Variants in CES5A observed in about 807,000 individuals in gnomAD.
The protein encoded by CES5A is carboxylesterase 5.
A neutral mutation model predicts 62.9 loss-of-function variants in CES5A; 67 were observed. That is an observed-to-expected ratio of 1.07 (90% CI 0.88 to 1.31). The LOEUF (loss-of-function observed/expected upper bound fraction) is 1.31. CES5A is among the 50% of genes most tolerant of loss of function. The pLI, the probability that CES5A is intolerant of heterozygous loss-of-function variation, is 0.00. For missense variants in CES5A, 748 were observed against 708.5 expected (o/e 1.06, Z -0.63); for synonymous variants, 296 against 280.8 (o/e 1.05, Z -0.54).
intron 1 of CES5A, among the ~76,000 whole-genome samples, chr16:55,912,430 A>G (rs973078879): frequency 1.3e-5 from 2 of 152,182 alleles, no homozygotes; most frequent in African/African-American, 4.8e-5. Context: ...CATTCGAGGA[A>G]AAAAACAAAG....
upstream of CES5A, among the ~76,000 whole-genome samples, chr16:55,927,459 T>C (rs2142465402): frequency 1.3e-5 from 2 of 152,282 alleles, no homozygotes; most frequent in Admixed American, 1.3e-4. Context: ...GCAAACTACA[T>C]GAATAGACAT....
chr16:55,865,712 G>A (rs2033443087), intron 5 of CES5A, among the ~76,000 whole-genome samples: 4 of 152,118 alleles, frequency 2.6e-5, no homozygotes, highest in African/African-American at 9.7e-5. Flanking sequence ...ACAAATATAA[G>A]GGATTTTTCC....
chr16:55,849,570 G>C, intron 11 of CES5A, 54 bp downstream of exon 11: 4 of 1,591,178 alleles, frequency 2.5e-6, no homozygotes. Flanking sequence ...CTTGCATCGT[G>C]GTGGGGTAAG....
At position 55,907,999 on chromosome 16, in the gene CES5A, T is replaced by A. The variant is rs1421591080; in HGVS notation, c.-256+17324A>T. Among the ~76,000 whole-genome samples, 4 of 152,138 alleles carry A rather than the reference T, an allele frequency of 2.6e-5. 1 individual carries two copies. The highest frequency in any genetic ancestry group is 5.9e-5 in the Non-Finnish European group (4 of 68,022). ...CCTCTCAAAACTGTTAGAAAATGGA[T>A]ATGGATATGCCACTGTCCCCAGAAG... On this transcript the variant is annotated intron_variant, in intron 1 of 12. Coordinates refer to the CES5A transcript ENST00000518005.
chr16:55,849,122 A>C (rs2033076674), intron 11 of CES5A, among the ~76,000 whole-genome samples: 1 of 152,160 alleles, frequency 6.6e-6, no homozygotes, highest in Non-Finnish European at 1.5e-5. Context: ...GGTTTATTTT[A>C]GGCACCAAAT....
At chr16:55,873,759 C>T (rs1403007403) in intron 2 of CES5A, 74 bp downstream of exon 2, 5 of 1,348,180 alleles carry the variant, frequency 3.7e-6, no homozygotes, top group Admixed American at 4.0e-5. Flanking sequence ...TCTTCTTTCA[C>T]ACTGGGCTGC....
intron 1 of CES5A, among the ~76,000 whole-genome samples, chr16:55,909,802 T>C (rs1488165887): frequency 2.0e-5 from 3 of 152,216 alleles, no homozygotes; most frequent in African/African-American, 7.2e-5. Flanking sequence ...CTGCTGGCCT[T>C]GGACAAGTTC....
At chr16:55,864,614 G>A (rs1442466491) in intron 5 of CES5A, among the ~76,000 whole-genome samples, 1 of 152,160 alleles carries the variant, frequency 6.6e-6, no homozygotes, top group African/African-American at 2.4e-5. Flanking sequence ...TTGCTGTCAG[G>A]CCAGGCATAG....
chr16:55,921,030 G>C (rs772048214), intron 1 of CES5A, among the ~76,000 whole-genome samples: 5 of 152,140 alleles, frequency 3.3e-5, no homozygotes, highest in Non-Finnish European at 7.3e-5. Flanking sequence ...GCAAAGGAAA[G>C]ATCAGTGAGC....
At chr16:55,871,831 C>T (rs1244606061) in intron 2 of CES5A, 68 bp from the exon 3 acceptor site, 1 of 1,556,328 alleles carries the variant, frequency 6.4e-7, no homozygotes, top group African/African-American at 1.3e-5. Flanking sequence ...AGGGCCAGTT[C>T]TTCTGACAGC....
At chr16:55,932,667 C>T (rs554111463) in intron 2 of CES5A, among the ~76,000 whole-genome samples, 14 of 152,068 alleles carry the variant, frequency 9.2e-5, no homozygotes, top group Admixed American at 7.2e-4. Context: ...AGCCATGAGA[C>T]CAACCAGGCA....
upstream of CES5A, among the ~76,000 whole-genome samples, chr16:55,926,319 T>C (rs555067364): frequency 8.2e-4 from 125 of 152,284 alleles, no homozygotes; most frequent in Admixed American, 1.8e-3. Flanking sequence ...AACCAATAAC[T>C]ATGAAGGGAC....
At chr16:55,866,618 C>A (rs578249036) in intron 4 of CES5A, among the ~76,000 whole-genome samples, 7 of 140,522 alleles carry the variant, frequency 5.0e-5, no homozygotes, top group South Asian at 2.2e-4. Flanking sequence ...GTCAGGAGAT[C>A]GAGACCATCC....
intron 8 of CES5A, 90 bp downstream of exon 8, chr16:55,859,457 C>T: frequency 7.6e-7 from 1 of 1,316,114 alleles, no homozygotes; most frequent in Non-Finnish European, 1.1e-6. Flanking sequence ...CTTACAATAC[C>T]TGATGTCTTC....
intron 2 of CES5A, among the ~76,000 whole-genome samples, chr16:55,939,517 C>A (rs886141077): frequency 1.3e-5 from 2 of 151,936 alleles, no homozygotes; most frequent in African/African-American, 2.4e-5. Flanking sequence ...TATTCTAGGA[C>A]CAGAAGATGA....
chr16:55,897,344 A>G (rs1396950746), intron 1 of CES5A, among the ~76,000 whole-genome samples: 1 of 152,132 alleles, frequency 6.6e-6, no homozygotes, highest in Non-Finnish European at 1.5e-5. Context: ...AAATGCCAAG[A>G]TGCTCCCAGG....
intron 2 of CES5A, among the ~76,000 whole-genome samples, chr16:55,930,462 G>A (rs2034298862): frequency 6.6e-6 from 1 of 152,172 alleles, no homozygotes; most frequent in African/African-American, 2.4e-5. Flanking sequence ...ACTACAAGGA[G>A]TTATCATAAG....
chr16:55,906,485 A>C (rs1367596589), intron 1 of CES5A, among the ~76,000 whole-genome samples: 2 of 152,230 alleles, frequency 1.3e-5, no homozygotes, highest in Admixed American at 1.3e-4. Context: ...TCTGCACCAG[A>C]TCTTGAAGGG....
chr16:55,943,472 A>G (rs2034465069), intron 2 of CES5A, among the ~76,000 whole-genome samples: 1 of 152,210 alleles, frequency 6.6e-6, no homozygotes, highest in African/African-American at 2.4e-5. Context: ...CTCTGGCATT[A>G]CAGAGATCCC....
Sources: allele counts gnomAD v4.1 joint callset (sites outside exome capture counted in the v4.1 genomes callset), GRCh38; gene constraint gnomAD v4.1.1; transcripts MANE v1.5; gene names NCBI Gene and HGNC (gene_info 2026-07-23, HGNC 2026-07-21).